COL4A4: variants seen among roughly 807,000 people sequenced by gnomAD.
The protein encoded by COL4A4 is collagen type IV alpha 4 chain.
COL4A4 carries 105 observed loss-of-function variants against 192.9 expected under a neutral mutation model. That is an observed-to-expected ratio of 0.54 (90% confidence interval 0.46 to 0.64). The LOEUF (loss-of-function observed/expected upper bound fraction) is 0.64. COL4A4 is among the 30% of genes least tolerant of loss of function. The pLI is 0.00. For synonymous variants in COL4A4, 762 were observed against 769.9 expected (o/e 0.99, Z 0.17); for missense variants, 1,967 against 2,169.3 (o/e 0.91, Z 1.85).
chr2:227,139,883 T>C (rs930467513), intron 4 of COL4A4, among the ~76,000 whole-genome samples: 1 of 152,092 alleles, frequency 6.6e-6, no homozygotes, highest in Admixed American at 6.5e-5. Flanking sequence ...GACCCAGTAG[T>C]TACCATTTCA....
At position 227,007,146 on chromosome 2, in the gene COL4A4, G is replaced by C. The variant is rs986147465; in HGVS notation, c.*179C>G. 8.3e-6 allele frequency: 7 copies of C among 843,858 alleles called. No homozygotes were observed. Among genetic ancestry groups the C allele is most frequent in the Non-Finnish European group, 1.4e-5 (7 of 502,530 alleles). The allele number at this position is 843,858 out of a possible 1,614,324, so 52.3% of individuals were successfully genotyped here. A position where few individuals can be genotyped will look rare whatever the true frequency, so the allele number is the denominator to read the frequency against. On this transcript the variant is annotated 3_prime_UTR_variant, in exon 48 of 48. Transcript: ENST00000396625. ...TTGGGAGGTCCAAACAAATCCATCT[G>C]TGCAGCATTTGCTTAATGTGTAAGG...
intron 27 of COL4A4, among the ~76,000 whole-genome samples, 182 bp from the exon 28 acceptor site, chr2:227,059,805 T>C (rs1413150802): frequency 6.6e-6 from 1 of 152,222 alleles, no homozygotes; most frequent in Non-Finnish European, 1.5e-5. Flanking sequence ...TGCAACTTTG[T>C]GTTTCCTATA....
At chr2:227,071,273 T>A (rs2058706616) in intron 25 of COL4A4, among the ~76,000 whole-genome samples, 1 of 151,846 alleles carries the variant, frequency 6.6e-6, no homozygotes, top group South Asian at 2.1e-4. Flanking sequence ...AAAAACAAAC[T>A]TCAAAATAAC....
intron 7 of COL4A4, among the ~76,000 whole-genome samples, chr2:227,117,646 T>C (rs1427189878): frequency 7.3e-6 from 1 of 136,876 alleles, no homozygotes; most frequent in Admixed American, 7.3e-5. Flanking sequence ...GGAGAAATGC[T>C]AAAAAAAAAA....
intron 20 of COL4A4, among the ~76,000 whole-genome samples, chr2:227,090,520 GGGTGGATT>G (rs2059857618): frequency 6.6e-6 from 1 of 152,086 alleles, no homozygotes. Flanking sequence ...AGACCAAGGT[GGGTGGATT>G]GCTTGAGGTC....
At chr2:227,102,361 C>T (rs568033513) in intron 15 of COL4A4, among the ~76,000 whole-genome samples, 6 of 152,352 alleles carry the variant, frequency 3.9e-5, no homozygotes, top group Admixed American at 6.5e-5. Flanking sequence ...ATGCCAGCTG[C>T]GGTCTGGCCT....
chr2:227,108,160 A>C (rs1318278776), intron 12 of COL4A4, among the ~76,000 whole-genome samples: 3 of 152,158 alleles, frequency 2.0e-5, no homozygotes, highest in Non-Finnish European at 4.4e-5. Context: ...ACAGGCATAG[A>C]AAAGGAGTGG....
At chr2:227,113,229 T>C (rs1000466488) in intron 8 of COL4A4, among the ~76,000 whole-genome samples, 1 of 152,140 alleles carries the variant, frequency 6.6e-6, no homozygotes, top group Admixed American at 6.5e-5. Flanking sequence ...TTGCTAGATT[T>C]GTTTTTTTTA....
chr2:227,112,846 ATAT>A (rs904357695), intron 8 of COL4A4, among the ~76,000 whole-genome samples: 1 of 152,192 alleles, frequency 6.6e-6, no homozygotes, highest in African/African-American at 2.4e-5. Context: ...ACTTAGCATA[ATAT>A]TATATCTTCA....
At chr2:227,109,619 C>T (rs997599525) in intron 9 of COL4A4, 31 of 400,680 alleles carry the variant, frequency 7.7e-5, no homozygotes, top group Non-Finnish European at 1.4e-4. Context: ...TGGTGGCAGG[C>T]GCCTGTAGTC....
intron 43 of COL4A4, chr2:227,022,661 A>T (rs1351247659): frequency 6.4e-6 from 3 of 466,050 alleles, no homozygotes; most frequent in Non-Finnish European, 1.3e-5. Flanking sequence ...GAATTTCAGG[A>T]TTGCTAGAGG....
chr2:227,066,422 A>G (rs1456051251), intron 25 of COL4A4, among the ~76,000 whole-genome samples: 6 of 151,886 alleles, frequency 4.0e-5, no homozygotes, highest in African/African-American at 1.5e-4. Flanking sequence ...TGTCAGATTC[A>G]CCAAAGTTGA....
chr2:227,067,733 T>C (rs1483473137), intron 25 of COL4A4, among the ~76,000 whole-genome samples: 2 of 151,810 alleles, frequency 1.3e-5, no homozygotes, highest in Non-Finnish European at 2.9e-5. Flanking sequence ...TAGAGGGAAA[T>C]TTATAGCACT....
At chr2:227,056,262 A>C in intron 29 of COL4A4, 147 bp from the exon 30 acceptor site, 3 of 711,168 alleles carry the variant, frequency 4.2e-6, no homozygotes, top group Admixed American at 2.2e-5. Flanking sequence ...ACTTTCCATC[A>C]ATCTAAGAAT....
At chr2:227,109,109 G>T (rs559715291) in intron 10 of COL4A4, 115 bp downstream of exon 10, 2 of 1,030,556 alleles carry the variant, frequency 1.9e-6, no homozygotes, top group Non-Finnish European at 3.1e-6. Flanking sequence ...CTGATTCATC[G>T]ATTATAATCT....
At chr2:226,984,465 C>T in the COL4A4 span, among the ~76,000 whole-genome samples, 3 of 152,178 alleles carry the variant, frequency 2.0e-5, no homozygotes, top group African/African-American at 7.2e-5. Context: ...CACGGGGGCT[C>T]CACCCTCATG....
rs76576628 is a variant in COL4A4, at chr2:227,123,465, C to A, written c.193-2317G>T. 5.5e-3 allele frequency among the ~76,000 whole-genome samples: 833 copies of A among 152,218 alleles called. 12 individuals carry two copies. The highest frequency in any genetic ancestry group is 0.019 in the African/African-American group (795 of 41,538). On this transcript the variant is annotated intron_variant, in intron 4 of 47. Transcript: ENST00000396625. The surrounding 1 kb of genome is among the most constrained non-coding windows in gnomAD (Gnocchi z 4.6). ...TTTGAGAAGTGAAGGAGGTGCAGGT[C>A]AGGAACAGAGCGCGACCCACGGAAG...
chr2:227,090,051 C>A, intron 20 of COL4A4, 94 bp from the exon 21 acceptor site: 1 of 904,376 alleles, frequency 1.1e-6, no homozygotes, highest in East Asian at 2.5e-5. Flanking sequence ...ACATCCTCCC[C>A]CACGTGCTTC....
At chr2:227,134,197 C>G (rs547857220) in intron 4 of COL4A4, among the ~76,000 whole-genome samples, 1 of 152,184 alleles carries the variant, frequency 6.6e-6, no homozygotes, top group African/African-American at 2.4e-5. Flanking sequence ...GTAGCCCCAT[C>G]CTGAGCACCT....
Sources: gnomAD v4.1 joint callset for allele counts (sites outside exome capture counted in the v4.1 genomes callset) on GRCh38, gnomAD v4.1.1 for gene constraint, Gnocchi (gnomAD v3.1) non-coding constraint, MANE v1.5 for transcripts, NCBI Gene and HGNC (gene_info 2026-07-23, HGNC 2026-07-21) for gene names.